The following OPCML variants were observed in gnomAD, a reference collection of about 807,000 sequenced individuals.
The protein encoded by OPCML is opioid-binding protein/cell adhesion molecule.
A neutral mutation model predicts 37.8 loss-of-function variants in OPCML; 13 were observed. The observed-to-expected ratio is 0.34, with a 90% CI of 0.22 to 0.55. The LOEUF is 0.55. Ranked by LOEUF, OPCML falls within the 20% of genes least tolerant of loss-of-function variation. The probability of loss-of-function intolerance (pLI) is 0.91; values close to 1 mark genes in which losing one functional copy is unlikely to be tolerated. For missense variants in OPCML, 341 were observed against 435.6 expected, an observed-to-expected ratio of 0.78 and a Z score of 1.93; for synonymous variants, 176 against 168.8, an observed-to-expected ratio of 1.04 and a Z score of -0.33.
intron 2 of OPCML, among the ~76,000 whole-genome samples, chr11:132,893,072 C>A (rs1943712505): frequency 6.6e-6 from 1 of 152,198 alleles, no homozygotes; most frequent in African/African-American, 2.4e-5. Context: ...CCCCCATTAA[C>A]CCTTGTTTTT....
intron 1 of OPCML, among the ~76,000 whole-genome samples, chr11:133,509,871 T>C (rs886535496): frequency 6.6e-6 from 1 of 152,174 alleles, no homozygotes; most frequent in South Asian, 2.1e-4. Context: ...TCTTCCTTTG[T>C]GAGGCACCAC....
intron 2 of OPCML, among the ~76,000 whole-genome samples, chr11:132,675,051 A>T (rs1172832793): frequency 6.6e-6 from 1 of 152,100 alleles, no homozygotes; most frequent in Non-Finnish European, 1.5e-5. Context: ...CTACAGAAAG[A>T]CAGGCCATCT....
chr11:133,015,367 GGAAT>G (rs201305627), intron 1 of OPCML, among the ~76,000 whole-genome samples: 3,289 of 88,476 alleles, frequency 0.037, 247 homozygotes, highest in African/African-American at 0.089. Context: ...AAGGAAGGGA[GGAAT>G]GAAGGAAGGA....
chr11:133,377,027 G>C (rs1006356394), intron 1 of OPCML, among the ~76,000 whole-genome samples: 5 of 152,136 alleles, frequency 3.3e-5, no homozygotes, highest in Non-Finnish European at 5.9e-5. Context: ...AAGCGGGCAG[G>C]GGGAAAGAGC....
intron 1 of OPCML, among the ~76,000 whole-genome samples, chr11:133,155,581 A>G (rs1950047938): frequency 6.6e-6 from 1 of 152,044 alleles, no homozygotes; most frequent in South Asian, 2.1e-4. Context: ...CTTCACCCGC[A>G]TACCCAGCCC....
At chr11:132,873,266 G>T (rs990757720) in intron 2 of OPCML, among the ~76,000 whole-genome samples, 3 of 151,956 alleles carry the variant, frequency 2.0e-5, no homozygotes, top group Non-Finnish European at 4.4e-5. Context: ...TTCTCCTTTG[G>T]TTCAATGTTT....
intron 1 of OPCML, among the ~76,000 whole-genome samples, chr11:133,327,473 G>A (rs910385840): frequency 2.4e-4 from 36 of 151,904 alleles, no homozygotes; most frequent in African/African-American, 8.7e-4. Flanking sequence ...TTCCTAGACA[G>A]GGAGGTAACA....
chr11:133,499,299 C>A (rs1414925070), intron 1 of OPCML, among the ~76,000 whole-genome samples: 1 of 152,230 alleles, frequency 6.6e-6, no homozygotes, highest in Non-Finnish European at 1.5e-5. Context: ...AGTTTCCTTA[C>A]ACAACATCTC....
intron 1 of OPCML, among the ~76,000 whole-genome samples, chr11:133,412,781 G>A (rs1945677493): frequency 1.3e-5 from 2 of 152,224 alleles, no homozygotes; most frequent in South Asian, 4.1e-4. Flanking sequence ...AAGTGTGCCT[G>A]GAAGGGGAAG....
At chr11:132,889,227 A>C (rs1943546013) in intron 2 of OPCML, among the ~76,000 whole-genome samples, 1 of 152,210 alleles carries the variant, frequency 6.6e-6, no homozygotes, top group African/African-American at 2.4e-5. Flanking sequence ...CAAGGGAGGA[A>C]GTCGGAATAA....
intron 2 of OPCML, among the ~76,000 whole-genome samples, chr11:132,742,621 C>T (rs1239410061): frequency 2.0e-5 from 3 of 151,830 alleles, no homozygotes; most frequent in Admixed American, 6.6e-5. Flanking sequence ...TGGTATAGCG[C>T]TCCATGCCAA....
At chr11:132,832,248 G>GA (rs71067400) in intron 2 of OPCML, among the ~76,000 whole-genome samples, 82,806 of 142,850 alleles carry the variant, frequency 0.58, 24,273 homozygotes, top group African/African-American at 0.72. Flanking sequence ...TTATTTTAAT[G>GA]AAAAAAAAAA....
At chr11:133,048,418 C>A (rs568958163) in intron 1 of OPCML, among the ~76,000 whole-genome samples, 1 of 152,026 alleles carries the variant, frequency 6.6e-6, no homozygotes, top group South Asian at 2.1e-4. Context: ...TTAGGAGAGA[C>A]GCCTAAAACC....
chr11:133,010,825 T>C (rs2136873637), intron 1 of OPCML, among the ~76,000 whole-genome samples: 1 of 152,270 alleles, frequency 6.6e-6, no homozygotes, highest in East Asian at 1.9e-4. Flanking sequence ...TAAAAAGCCA[T>C]GCCACCAAAT....
At chr11:132,760,043 A>T in intron 2 of OPCML, among the ~76,000 whole-genome samples, 1 of 152,074 alleles carries the variant, frequency 6.6e-6, no homozygotes, top group African/African-American at 2.4e-5. Context: ...TTCTTCCTTA[A>T]TTTTTTTATC....
At chr11:132,916,913 A>C (rs1944625705) in intron 2 of OPCML, among the ~76,000 whole-genome samples, 1 of 152,160 alleles carries the variant, frequency 6.6e-6, no homozygotes, top group East Asian at 1.9e-4. Flanking sequence ...TTAAACTTTC[A>C]CTAAGGCAGC....
chr11:132,718,352 C>T lies in OPCML; in HGVS notation c.147-61033G>A, dbSNP rs542901450. On this transcript the variant is annotated intron_variant, in intron 2 of 7. Transcript: ENST00000524381. ...GAGAAAAAGAATGAGGGCTAAATTA[C>T]ATTCAAAATGAGTATTTAGAATGAT... Among the ~76,000 whole-genome samples the T allele has an allele frequency of 4.3e-4, 65 of 152,302 alleles. No homozygotes were observed. The East Asian group carries it at 0.012, about 28-fold the overall frequency.
intron 7 of OPCML, among the ~76,000 whole-genome samples, chr11:132,421,433 G>T (rs2095958755): frequency 6.6e-6 from 1 of 152,178 alleles, no homozygotes; most frequent in African/African-American, 2.4e-5. Context: ...AGGTGCAGCA[G>T]AACCTCTTTA....
chr11:132,694,748 TAAG>T (rs1322945177), intron 2 of OPCML, among the ~76,000 whole-genome samples: 1 of 152,104 alleles, frequency 6.6e-6, no homozygotes, highest in Non-Finnish European at 1.5e-5. Flanking sequence ...TTCTGTCCAA[TAAG>T]AAGAAGATGG....
Sources: gnomAD v4.1 joint callset for allele counts (sites outside exome capture counted in the v4.1 genomes callset) on GRCh38, gnomAD v4.1.1 for gene constraint, MANE v1.5 for transcripts, NCBI Gene and HGNC (gene_info 2026-07-23, HGNC 2026-07-21) for gene names.